Variants in KANK1 observed in about 807,000 individuals in gnomAD.
KANK1 encodes the protein KN motif and ankyrin repeat domain-containing protein 1.
Under a neutral mutation model 106.2 loss-of-function variants are expected in KANK1, and 109 were observed. The observed-to-expected ratio is 1.03, with a 90% confidence interval of 0.88 to 1.20. The LOEUF is 1.20. KANK1 is among the 50% of genes most tolerant of loss of function. The pLI is 0.00. For missense variants in KANK1, 2,399 were observed against 1,710.7 expected (o/e 1.40, Z -7.10); for synonymous variants, 873 against 652.2 (o/e 1.34, Z -5.16).
chr9:636,508 C>T (rs1166242709), intron 1 of KANK1, among the ~76,000 whole-genome samples: 1 of 152,138 alleles, frequency 6.6e-6, no homozygotes, highest in Non-Finnish European at 1.5e-5. Flanking sequence ...AGTCAGTTCC[C>T]ATCAACAGAG....
At chr9:571,047 T>A (rs948109230) in intron 1 of KANK1, among the ~76,000 whole-genome samples, 1 of 152,204 alleles carries the variant, frequency 6.6e-6, no homozygotes, top group African/African-American at 2.4e-5. Flanking sequence ...TGATACATTT[T>A]GTCAAATTGA....
At chr9:507,556 ATTTTTT>A (rs755577004) in intron 1 of KANK1, among the ~76,000 whole-genome samples, 3 of 127,418 alleles carry the variant, frequency 2.4e-5, no homozygotes, top group African/African-American at 9.6e-5. Flanking sequence ...TGCCCGGCTA[ATTTTTT>A]TTTTTTTTTT....
chr9:679,681 A>G (rs544010889), intron 2 of KANK1, among the ~76,000 whole-genome samples: 1 of 152,286 alleles, frequency 6.6e-6, no homozygotes, highest in African/African-American at 2.4e-5. Context: ...CTTTGGGATT[A>G]CAGGCATGAG....
At chr9:637,055 C>T (rs1486826610) in intron 1 of KANK1, among the ~76,000 whole-genome samples, 1 of 151,992 alleles carries the variant, frequency 6.6e-6, no homozygotes, top group Admixed American at 6.6e-5. Context: ...AGTTATGTGC[C>T]CCTTCTCTCC....
At chr9:473,896 C>T (rs2058061751) in intron 3 of KANK1, among the ~76,000 whole-genome samples, 1 of 152,118 alleles carries the variant, frequency 6.6e-6, no homozygotes, top group African/African-American at 2.4e-5. Flanking sequence ...GACAGGGTTT[C>T]ACCATGTTGG....
chr9:740,209 G>C (rs1042000867), intron 8 of KANK1, among the ~76,000 whole-genome samples: 2 of 152,140 alleles, frequency 1.3e-5, no homozygotes, highest in Non-Finnish European at 2.9e-5. Flanking sequence ...CTGGTTCATC[G>C]ATTCTGTTAA....
chr9:551,980 C>T (rs2061311845), intron 1 of KANK1, among the ~76,000 whole-genome samples: 1 of 151,962 alleles, frequency 6.6e-6, no homozygotes, highest in African/African-American at 2.4e-5. Context: ...CACTTGAGCT[C>T]AGAAGGTCAA....
intron 1 of KANK1, among the ~76,000 whole-genome samples, chr9:566,263 G>A (rs1240648763): frequency 6.6e-6 from 1 of 152,162 alleles, no homozygotes; most frequent in Non-Finnish European, 1.5e-5. Flanking sequence ...TACCACTGAT[G>A]GGCGTTTAGG....
chr9:638,642 C>A (rs1420893722), intron 1 of KANK1, among the ~76,000 whole-genome samples: 2 of 152,174 alleles, frequency 1.3e-5, no homozygotes, highest in African/African-American at 4.8e-5. Flanking sequence ...AGGTTCTGGG[C>A]AAACTTTGAG....
chr9:710,930 GA>G lies in KANK1; in HGVS notation c.167del (p.Asn56IlefsTer6), dbSNP rs764253383. ...FLKYVDDIQK[G>X]NTIKRLNIQK... Reference sequence around the variant, plus strand: ...AAATATGTGGATGACATACAGAAGGGAAATACCATCAAAAGACTGAACATCC... The same window carrying G: ...AAATATGTGGATGACATACAGAAGGGAATACCATCAAAAGACTGAACATCC... On this transcript the variant is annotated frameshift_variant, in exon 3 of 12. Transcript: ENST00000382297. LOFTEE classifies it high-confidence loss of function. 1 of 1,613,990 alleles carries G rather than the reference GA, an allele frequency of 6.2e-7. No homozygotes were observed. The highest frequency in any genetic ancestry group is 8.5e-7 in the Non-Finnish European group (1 of 1,180,042).
chr9:706,763 G>A, intron 2 of KANK1: 1 of 985,368 alleles, frequency 1.0e-6, no homozygotes, highest in Non-Finnish European at 1.2e-6. Context: ...TGGAACCAGT[G>A]AGTGCTGCCC....
At chr9:481,162 CAG>C (rs912658300) in intron 3 of KANK1, among the ~76,000 whole-genome samples, 2 of 152,234 alleles carry the variant, frequency 1.3e-5, no homozygotes, top group East Asian at 1.9e-4. Flanking sequence ...AAGTGAAAAA[CAG>C]AATGATTACA....
intron 1 of KANK1, among the ~76,000 whole-genome samples, chr9:642,550 G>A (rs76606627): frequency 6.6e-6 from 1 of 150,718 alleles, no homozygotes; most frequent in Non-Finnish European, 1.5e-5. Flanking sequence ...AAAAATTCTT[G>A]GTTCTTGGAC....
At chr9:740,271 T>C (rs750123271) in intron 8 of KANK1, among the ~76,000 whole-genome samples, 1 of 152,208 alleles carries the variant, frequency 6.6e-6, no homozygotes, top group Non-Finnish European at 1.5e-5. Context: ...CTGGATGTTA[T>C]ATGATTGGAA....
chr9:614,979 G>A (rs1013715760), intron 1 of KANK1, among the ~76,000 whole-genome samples: 2 of 151,618 alleles, frequency 1.3e-5, no homozygotes, highest in African/African-American at 4.9e-5. Context: ...TTGAGACAGG[G>A]TCTCAGGCTG....
chr9:684,191 G>C (rs1818103536), intron 2 of KANK1: 1 of 985,284 alleles, frequency 1.0e-6, no homozygotes, highest in African/African-American at 1.7e-5. Context: ...CAAGCCTTGA[G>C]CCAGTCATAA....
chr9:640,336 G>C lies in KANK1; in HGVS notation c.-83-36554G>C, dbSNP rs546666061. ...CTGCAGCCTCCACCTCCTGGGTTCA[G>C]GCGATTCTCCTGCATCAGCCTCCCG... On this transcript the variant is annotated intron_variant, in intron 1 of 11. Coordinates refer to ENST00000382297, the MANE Select transcript of KANK1 (RefSeq NM_015158.5). 1.8e-4 allele frequency among the ~76,000 whole-genome samples: 28 copies of C among 152,028 alleles called. No homozygotes were observed. In the South Asian group the frequency reaches 5.8e-3, roughly 32 times the overall value.
chr9:712,752 C>T lies in KANK1; in HGVS notation c.1986C>T (p.Val662=). Residue 662 remains valine, a synonymous_variant, in exon 3 of 12, where the codon GTC becomes GTT. Coordinates refer to ENST00000382297, the MANE Select transcript of KANK1 (RefSeq NM_015158.5). ...TEAVSQVEAA[V]MAVPRTADQD... is the part of the protein sequence containing the mutation. ...CTGTTAGCCAGGTGGAAGCTGCCGT[C>T]ATGGCAGTGCCTCGTACTGCAGACC... 6.2e-7 allele frequency: 1 copy of T among 1,613,938 alleles called. No homozygotes were observed. Among genetic ancestry groups the T allele is most frequent in the South Asian group, 1.1e-5 (1 of 91,030 alleles).
At chr9:558,009 C>CA (rs1395182422) in intron 1 of KANK1, among the ~76,000 whole-genome samples, 2 of 150,800 alleles carry the variant, frequency 1.3e-5, no homozygotes, top group African/African-American at 5.0e-5. Flanking sequence ...TCTCAAAAAA[C>CA]AAACAAACAA....
Sources: gnomAD v4.1 joint callset for allele counts (sites outside exome capture counted in the v4.1 genomes callset) on GRCh38, gnomAD v4.1.1 for gene constraint, MANE v1.5 for transcripts, NCBI Gene and HGNC (gene_info 2026-07-23, HGNC 2026-07-21) for gene names.